Variants in GFM2 observed in about 807,000 individuals in gnomAD.
The protein encoded by GFM2 is GTP dependent ribosome recycling factor mitochondrial 2.
In GFM2, 72 loss-of-function variants were observed where a neutral mutation model predicts 95.4. The observed-to-expected ratio is 0.76, with a 90% CI of 0.62 to 0.92. The LOEUF (loss-of-function observed/expected upper bound fraction) is 0.92, where lower values mean the gene tolerates loss of function less well. Among genes scored for constraint, GFM2 ranks in the 40% least tolerant of loss-of-function variants. The pLI, the probability that GFM2 is intolerant of heterozygous loss-of-function variation, is 0.00. For missense variants in GFM2, 825 were observed against 924.1 expected (o/e 0.89, Z 1.39); for synonymous variants, 276 against 317.5 (o/e 0.87, Z 1.39).
intron 5 of GFM2, among the ~76,000 whole-genome samples, chr5:74,757,731 T>TAAAAAAAA (rs35313753): frequency 1.1e-4 from 10 of 89,160 alleles, no homozygotes; most frequent in Middle Eastern, 7.6e-3. Context: ...CCTATGTCTC[T>TAAAAAAAA]AAAAAAAAAA....
chr5:74,736,165 G>T (rs949392154), intron 15 of GFM2, among the ~76,000 whole-genome samples: 3 of 152,142 alleles, frequency 2.0e-5, no homozygotes, highest in Non-Finnish European at 4.4e-5. Flanking sequence ...GAGATAGAGA[G>T]AAATAAATTT....
At position 74,721,799 on chromosome 5, in the gene GFM2, T is replaced by C; in HGVS notation, c.2212-16A>G. The C allele has an allele frequency of 6.3e-7, 1 of 1,594,766 alleles. No individual in the cohort carries two copies. The highest frequency in any genetic ancestry group is 8.5e-7 in the Non-Finnish European group (1 of 1,173,918). The stretch of plus-strand genomic sequence containing the variant: ...TTGAATAACCCTAATCAAAATAATT[T>C]AAGTCATTTATATTATCAAATTTAA... On this transcript the variant is annotated splice_polypyrimidine_tract_variant and intron_variant, in intron 20 of 20. Transcript: ENST00000296805.
intron 17 of GFM2, 66 bp from the exon 18 acceptor site, chr5:74,726,192 A>G (rs1750140223): frequency 2.5e-6 from 3 of 1,179,778 alleles, no homozygotes; most frequent in Non-Finnish European, 2.4e-6. Context: ...TACTATAAAC[A>G]GCAAAATTAT....
intron 7 of GFM2, among the ~76,000 whole-genome samples, chr5:74,750,123 C>G (rs1379405620): frequency 6.6e-6 from 1 of 152,192 alleles, no homozygotes; most frequent in Non-Finnish European, 1.5e-5. Context: ...CAGCAACTTC[C>G]TATTCAAGCA....
intron 2 of GFM2, among the ~76,000 whole-genome samples, chr5:74,763,472 G>A (rs143396362): frequency 2.6e-5 from 4 of 152,256 alleles, no homozygotes; most frequent in African/African-American, 9.6e-5. Flanking sequence ...AGCTACAGCT[G>A]TTCTTTTACT....
chr5:74,731,929 C>T (rs1436998026), intron 16 of GFM2, among the ~76,000 whole-genome samples: 1 of 148,238 alleles, frequency 6.7e-6, no homozygotes, highest in African/African-American at 2.5e-5. Context: ...TTTTTTTAAA[C>T]GTAGTGCCAG....
intron 10 of GFM2, among the ~76,000 whole-genome samples, chr5:74,744,915 C>T (rs970777913): frequency 1.1e-4 from 16 of 152,134 alleles, no homozygotes; most frequent in East Asian, 1.9e-4. Flanking sequence ...TATAACTACA[C>T]ATATTTGCAA....
At position 74,751,517 on chromosome 5, in the gene GFM2, GTT is replaced by G. The variant is rs1743712125; in HGVS notation, c.305-26_305-25del. On this transcript the variant is annotated intron_variant, in intron 5 of 20. Transcript: ENST00000296805. ...ATCTAGCCAGGAAAAAGATGATACA[GTT>G]TAGTCTTAATAGCAAGTGTATTTTA... 4 of 1,583,902 alleles carry G rather than the reference GTT, an allele frequency of 2.5e-6. No homozygotes were observed. In the East Asian group the frequency reaches 8.9e-5, roughly 35 times the overall value.
intron 19 of GFM2, 91 bp from the exon 20 acceptor site, chr5:74,722,652 G>T: frequency 1.0e-6 from 1 of 977,466 alleles, no homozygotes. Context: ...ACATAAGCTT[G>T]CTTTAACTCT....
At chr5:74,736,767 A>G (rs778413098) in intron 15 of GFM2, 29 bp downstream of exon 15, 2 of 1,612,680 alleles carry the variant, frequency 1.2e-6, no homozygotes, top group Non-Finnish European at 1.7e-6. Context: ...CAGCGCACTA[A>G]TTAGTTGACA....
At chr5:74,723,303 T>C (rs974053571) in intron 19 of GFM2, among the ~76,000 whole-genome samples, 5 of 152,224 alleles carry the variant, frequency 3.3e-5, no homozygotes, top group African/African-American at 1.2e-4. Context: ...TCCAGTCCTG[T>C]ACTCCATTGG....
intron 9 of GFM2, 39 bp downstream of exon 9, chr5:74,746,066 A>C: frequency 1.5e-6 from 2 of 1,363,124 alleles, no homozygotes; most frequent in African/African-American, 1.5e-5. Context: ...TAAATTAATG[A>C]GGAAACTGAG....
intron 1 of GFM2, among the ~76,000 whole-genome samples, chr5:74,765,764 A>G (rs939135006): frequency 2.6e-5 from 4 of 152,116 alleles, no homozygotes; most frequent in African/African-American, 4.8e-5. Flanking sequence ...TGGGAGGCCG[A>G]GGCAGGTGGA....
At chr5:74,741,644 A>G in intron 10 of GFM2, 35 bp from the exon 11 acceptor site, 1 of 1,068,860 alleles carries the variant, frequency 9.4e-7, no homozygotes, top group Non-Finnish European at 1.4e-6. Context: ...TATAACTTGC[A>G]TTTACTTTCA....
At chr5:74,724,069 A>G (rs1750039783) in intron 19 of GFM2, among the ~76,000 whole-genome samples, 1 of 152,192 alleles carries the variant, frequency 6.6e-6, no homozygotes. Flanking sequence ...TAACAAGGGT[A>G]GCAGTACTTC....
chr5:74,749,590 G>T (rs1230681490), intron 7 of GFM2, among the ~76,000 whole-genome samples: 1 of 151,998 alleles, frequency 6.6e-6, no homozygotes, highest in Admixed American at 6.6e-5. Flanking sequence ...ATATAGTCTG[G>T]ATACAAATCC....
intron 3 of GFM2, 49 bp from the exon 4 acceptor site, chr5:74,759,475 C>A: frequency 1.0e-6 from 1 of 991,596 alleles, no homozygotes; most frequent in Non-Finnish European, 1.6e-6. Flanking sequence ...TGAAATTTTC[C>A]TTTAATTTAT....
At chr5:74,762,935 A>T (rs1236827936) in intron 2 of GFM2, among the ~76,000 whole-genome samples, 1 of 152,242 alleles carries the variant, frequency 6.6e-6, no homozygotes, top group African/African-American at 2.4e-5. Context: ...CAACTGAAAC[A>T]GCTAAACAGC....
intron 7 of GFM2, 128 bp from the exon 8 acceptor site, chr5:74,747,908 A>G: frequency 1.7e-6 from 1 of 582,156 alleles, no homozygotes; most frequent in Admixed American, 3.1e-5. Flanking sequence ...AATTAGTGCA[A>G]CTGCACTTAT....
Sources: gnomAD v4.1 joint callset for allele counts (sites outside exome capture counted in the v4.1 genomes callset) on GRCh38, gnomAD v4.1.1 for gene constraint, MANE v1.5 for transcripts, NCBI Gene and HGNC (gene_info 2026-07-23, HGNC 2026-07-21) for gene names.